TMCO4: variants seen among roughly 807,000 people sequenced by gnomAD.
The protein encoded by TMCO4 is transmembrane and coiled-coil domains 4, also known as transmembrane and coiled-coil domain-containing protein 4.
In TMCO4, 58 loss-of-function variants were observed where a neutral mutation model predicts 64.7. The ratio of observed to expected loss-of-function variants is 0.90; its 90% CI spans 0.73 to 1.12. The LOEUF is 1.12. TMCO4 is among the 50% of genes most tolerant of loss of function. The pLI is 0.00. For synonymous variants in TMCO4, 325 were observed against 346.1 expected (o/e 0.94, Z 0.68); for missense variants, 780 against 825.9 (o/e 0.94, Z 0.68).
chr1:19,685,567 C>A (rs1316643878), intron 15 of TMCO4, among the ~76,000 whole-genome samples: 2 of 152,150 alleles, frequency 1.3e-5, no homozygotes, highest in African/African-American at 2.4e-5. Context: ...TACATTGCAG[C>A]AAATAAGCTT....
intron 1 of TMCO4, among the ~76,000 whole-genome samples, chr1:19,798,733 C>T (rs1248230373): frequency 6.6e-6 from 1 of 152,206 alleles, no homozygotes; most frequent in Non-Finnish European, 1.5e-5. Context: ...GCCCAGCCCT[C>T]CCTCCCCAGG....
intron 13 of TMCO4, among the ~76,000 whole-genome samples, chr1:19,718,335 A>C (rs7540595): frequency 0.29 from 43,960 of 151,010 alleles, 6,698 homozygotes; most frequent in African/African-American, 0.34. Context: ...ACTCCATCTC[A>C]AAATAAATAA....
At chr1:19,773,059 A>T (rs1049414708) in intron 4 of TMCO4, among the ~76,000 whole-genome samples, 1 of 152,150 alleles carries the variant, frequency 6.6e-6, no homozygotes, top group Admixed American at 6.5e-5. Context: ...GCGTGGTGGC[A>T]TGTACCTGTA....
intron 13 of TMCO4, among the ~76,000 whole-genome samples, chr1:19,726,796 T>C (rs1410764819): frequency 1.3e-5 from 2 of 152,114 alleles, no homozygotes; most frequent in South Asian, 4.1e-4. Context: ...CAGTTGATCT[T>C]ACAAGCAGGT....
At chr1:19,784,627 A>G (rs1571031528) in intron 3 of TMCO4, among the ~76,000 whole-genome samples, 1 of 152,234 alleles carries the variant, frequency 6.6e-6, no homozygotes, top group East Asian at 1.9e-4. Context: ...CATTCTCTAC[A>G]TAGTGGCCTC....
intron 2 of TMCO4, among the ~76,000 whole-genome samples, chr1:19,797,574 A>G (rs551284216): frequency 6.6e-6 from 1 of 152,134 alleles, no homozygotes; most frequent in East Asian, 1.9e-4. Flanking sequence ...TTTCCTTAAG[A>G]AAGTGGGAAG....
At chr1:19,745,387 C>A (rs2041724117) in intron 10 of TMCO4, 145 bp downstream of exon 10, 1 of 1,302,924 alleles carries the variant, frequency 7.7e-7, no homozygotes, top group Non-Finnish European at 1.1e-6. Flanking sequence ...GATGAAGTTG[C>A]CTCACCTCTC....
chr1:19,778,240 A>ATT (rs1262777919), intron 4 of TMCO4, among the ~76,000 whole-genome samples: 4 of 145,966 alleles, frequency 2.7e-5, no homozygotes, highest in African/African-American at 5.1e-5. Context: ...TCATCTCATT[A>ATT]TTTATATTTA....
At chr1:19,717,307 T>C (rs1570740018) in intron 13 of TMCO4, among the ~76,000 whole-genome samples, 2 of 151,942 alleles carry the variant, frequency 1.3e-5, no homozygotes, top group Non-Finnish European at 2.9e-5. Context: ...CAGGAGGAGG[T>C]CCCTTCCCCT....
Position 19,732,712 on chromosome 1 carries a change from G to T in TMCO4, c.1264+4660C>A, listed in dbSNP as rs973296883. Among the ~76,000 whole-genome samples, 6 of 151,742 alleles carry T rather than the reference G, an allele frequency of 4.0e-5. No homozygotes were observed. Among genetic ancestry groups the T allele is most frequent in the African/African-American group, 1.5e-4 (6 of 41,352 alleles). Reference sequence around the variant, plus strand: ...TCGAGACCAGCCTCGGCAACACAGGGAGACCCTGTCTTTAAAAAAATGAAG... The same window carrying T: ...TCGAGACCAGCCTCGGCAACACAGGTAGACCCTGTCTTTAAAAAAATGAAG... On this transcript the variant is annotated intron_variant, in intron 13 of 15. Transcript: ENST00000294543. This position sits in a 1 kb window ranked among gnomAD's most constrained non-coding sequence, Gnocchi z 4.8.
intron 6 of TMCO4, among the ~76,000 whole-genome samples, chr1:19,763,200 C>T (rs1393898614): frequency 6.6e-6 from 1 of 152,000 alleles, no homozygotes; most frequent in African/African-American, 2.4e-5. Context: ...CTCAGCCTCC[C>T]GGGTAGCTGG....
At chr1:19,751,150 G>T (rs913331134) in intron 7 of TMCO4, among the ~76,000 whole-genome samples, 1 of 152,180 alleles carries the variant, frequency 6.6e-6, no homozygotes, top group African/African-American at 2.4e-5. Flanking sequence ...CCTGGGCTTG[G>T]AAACTGGAGG....
chr1:19,788,066 A>G (rs540209059), intron 2 of TMCO4, among the ~76,000 whole-genome samples: 49 of 152,206 alleles, frequency 3.2e-4, no homozygotes, highest in Admixed American at 1.6e-3. Flanking sequence ...CCTTAGTGCC[A>G]TTTTCAATGC....
chr1:19,784,147 T>C (rs576604290), intron 3 of TMCO4, among the ~76,000 whole-genome samples: 1 of 152,252 alleles, frequency 6.6e-6, no homozygotes, highest in African/African-American at 2.4e-5. Flanking sequence ...CCACGCCAGT[T>C]CTTAGCTCAA....
rs140167378 is a variant in TMCO4 at position 19,773,272 on chromosome 1, G to T, written c.180-1790C>A. ...GGTTCCTGGGAAGCTGCCCTGAAAT[G>T]AGATGATTAGGGCTCCCCTTGGGAT... is the stretch of plus-strand genomic sequence containing the variant. On this transcript the variant is annotated intron_variant, in intron 4 of 15. Coordinates refer to ENST00000294543, the MANE Select transcript of TMCO4 (RefSeq NM_181719.7). Among the ~76,000 whole-genome samples, 521 of 152,056 alleles carry T rather than the reference G, an allele frequency of 3.4e-3. 14 individuals are homozygous for T. In the East Asian group the frequency reaches 0.053, roughly 15 times the overall value.
At chr1:19,785,737 C>T (rs957943213) in intron 3 of TMCO4, among the ~76,000 whole-genome samples, 1 of 152,162 alleles carries the variant, frequency 6.6e-6, no homozygotes. Flanking sequence ...AGAATCCATG[C>T]CCTCAGCAGC....
chr1:19,766,769 A>G (rs965427824), intron 6 of TMCO4, among the ~76,000 whole-genome samples: 2 of 152,238 alleles, frequency 1.3e-5, no homozygotes, highest in Non-Finnish European at 2.9e-5. Flanking sequence ...AATCCCCAAA[A>G]TACTCCCCAT....
At chr1:19,700,182 G>T (rs1400292491) in intron 14 of TMCO4, among the ~76,000 whole-genome samples, 2 of 152,212 alleles carry the variant, frequency 1.3e-5, no homozygotes, top group African/African-American at 2.4e-5. Context: ...AACCCCAAAG[G>T]GTTGCTTCCT....
chr1:19,752,548 T>C (rs188244597), intron 7 of TMCO4, among the ~76,000 whole-genome samples: 1 of 152,326 alleles, frequency 6.6e-6, no homozygotes, highest in Admixed American at 6.5e-5. Context: ...CCACCTTCTG[T>C]TTTTAAATCA....
Sources: allele counts gnomAD v4.1 joint callset (sites outside exome capture counted in the v4.1 genomes callset), GRCh38; gene constraint gnomAD v4.1.1; non-coding constraint Gnocchi (gnomAD v3.1); transcripts MANE v1.5; gene names NCBI Gene and HGNC (gene_info 2026-07-23, HGNC 2026-07-21).